The following MAGI2 variants were observed in gnomAD, a reference collection of about 807,000 sequenced individuals.
The protein encoded by MAGI2 is membrane associated guanylate kinase, WW and PDZ domain containing 2.
A neutral mutation model predicts 133.3 loss-of-function variants in MAGI2; 35 were observed. That is an observed-to-expected ratio of 0.26 (90% CI 0.20 to 0.35). The LOEUF is 0.35. Ranked by LOEUF, MAGI2 falls within the 10% of genes least tolerant of loss-of-function variation. The pLI is 1.00. For synonymous variants in MAGI2, 729 were observed against 710.6 expected (o/e 1.03, Z -0.41); for missense variants, 1,636 against 1,863.4 (o/e 0.88, Z 2.25).
chr7:78,560,453 G>C (rs1215925895), intron 3 of MAGI2, among the ~76,000 whole-genome samples: 8 of 152,108 alleles, frequency 5.3e-5, no homozygotes, highest in African/African-American at 1.7e-4. Context: ...AAAAATGTCA[G>C]ATCTGATGTG....
intron 6 of MAGI2, among the ~76,000 whole-genome samples, chr7:78,488,313 G>A (rs935782258): frequency 5.9e-5 from 9 of 152,006 alleles, no homozygotes; most frequent in Non-Finnish European, 5.9e-5. Context: ...TATGCAATAT[G>A]TTATGCTTGC....
chr7:78,373,340 C>A (rs372882917), intron 6 of MAGI2, among the ~76,000 whole-genome samples: 3 of 152,142 alleles, frequency 2.0e-5, no homozygotes, highest in African/African-American at 4.8e-5. Flanking sequence ...ATTAGTGGAG[C>A]AACTGGCAAA....
At chr7:78,699,115 CTGT>C (rs1298173227) in intron 2 of MAGI2, among the ~76,000 whole-genome samples, 1 of 152,150 alleles carries the variant, frequency 6.6e-6, no homozygotes, top group Non-Finnish European at 1.5e-5. Context: ...AACTTTGCTG[CTGT>C]TGTTGTTTTG....
chr7:78,889,264 G>T (rs1269580481), intron 2 of MAGI2, among the ~76,000 whole-genome samples: 2 of 152,226 alleles, frequency 1.3e-5, no homozygotes, highest in African/African-American at 4.8e-5. Flanking sequence ...TGGTGTACCT[G>T]AAAGTGACGA....
chr7:79,357,542 T>A (rs1842101229), intron 1 of MAGI2, among the ~76,000 whole-genome samples: 1 of 152,146 alleles, frequency 6.6e-6, no homozygotes, highest in Non-Finnish European at 1.5e-5. Context: ...ATACAAAAAA[T>A]AAAGTCAAGC....
At chr7:78,151,640 A>T (rs1823884921) in intron 16 of MAGI2, among the ~76,000 whole-genome samples, 1 of 152,118 alleles carries the variant, frequency 6.6e-6, no homozygotes, top group East Asian at 1.9e-4. Flanking sequence ...CTGCTGAATC[A>T]TTTACCCAGG....
At position 79,011,654 on chromosome 7, in the gene MAGI2, A is replaced by G. The variant is rs900829905; in HGVS notation, c.302-4448T>C. Among the ~76,000 whole-genome samples the G allele has an allele frequency of 2.6e-5, 4 of 152,252 alleles. No individual in the cohort carries two copies. In the East Asian group the frequency reaches 7.7e-4, roughly 29 times the overall value. On this transcript the variant is annotated intron_variant, in intron 1 of 21. Coordinates refer to ENST00000354212, the MANE Select transcript of MAGI2 (RefSeq NM_012301.4). ...AATAGAGAGGGGAAAGGTGGGGATGACCACCAGGGTTTGGCTCATTTTGAT... is the reference window on the plus strand; with the variant it reads ...AATAGAGAGGGGAAAGGTGGGGATGGCCACCAGGGTTTGGCTCATTTTGAT...
intron 3 of MAGI2, among the ~76,000 whole-genome samples, chr7:78,545,595 G>T (rs1401449875): frequency 6.6e-6 from 1 of 152,138 alleles, no homozygotes; most frequent in Non-Finnish European, 1.5e-5. Flanking sequence ...TGATGCCCTG[G>T]ATCATTAGCC....
intron 21 of MAGI2, among the ~76,000 whole-genome samples, chr7:78,047,316 G>C (rs1811535360): frequency 1.3e-5 from 2 of 152,194 alleles, no homozygotes; most frequent in Non-Finnish European, 2.9e-5. Flanking sequence ...GTCTGGCATG[G>C]AACTGCCTGG....
chr7:78,552,697 C>T (rs560540901), intron 3 of MAGI2, among the ~76,000 whole-genome samples: 4 of 152,204 alleles, frequency 2.6e-5, no homozygotes, highest in East Asian at 3.9e-4. Flanking sequence ...CTACAATGGA[C>T]GGACATAGAT....
intron 1 of MAGI2, among the ~76,000 whole-genome samples, chr7:79,421,086 T>C (rs1331314713): frequency 6.6e-6 from 1 of 151,928 alleles, no homozygotes; most frequent in Non-Finnish European, 1.5e-5. Flanking sequence ...ACAAAAATAT[T>C]CCTTTGGGTA....
At chr7:78,353,103 C>G (rs1791692598) in intron 7 of MAGI2, 1 of 152,186 alleles carries the variant, frequency 6.6e-6, no homozygotes. Context: ...AGGAGGAGAT[C>G]ATTGTTATCA....
At chr7:79,361,793 A>G (rs921796056) in intron 1 of MAGI2, among the ~76,000 whole-genome samples, 2 of 152,214 alleles carry the variant, frequency 1.3e-5, no homozygotes, top group Non-Finnish European at 2.9e-5. Context: ...AGAACAAAGG[A>G]AAATCTCTAA....
intron 9 of MAGI2, among the ~76,000 whole-genome samples, chr7:78,306,750 A>G (rs535121192): frequency 9.2e-5 from 14 of 152,298 alleles, no homozygotes; most frequent in South Asian, 4.1e-4. Flanking sequence ...CATGTTCTCA[A>G]TGGCCATTTC....
At chr7:79,124,579 A>C (rs59855885) in intron 1 of MAGI2, among the ~76,000 whole-genome samples, 11,893 of 152,254 alleles carry the variant, frequency 0.078, 1,038 homozygotes, top group African/African-American at 0.21. Flanking sequence ...GAGCAAAAGA[A>C]AGCAGAAACT....
chr7:78,760,164 C>T (rs987008028), intron 2 of MAGI2, among the ~76,000 whole-genome samples: 1 of 152,128 alleles, frequency 6.6e-6, no homozygotes, highest in Non-Finnish European at 1.5e-5. Flanking sequence ...AAGGAGATTG[C>T]TTTCAACAGT....
intron 9 of MAGI2, among the ~76,000 whole-genome samples, chr7:78,256,922 A>C (rs1232483062): frequency 6.6e-6 from 1 of 152,204 alleles, no homozygotes; most frequent in Non-Finnish European, 1.5e-5. Context: ...TTCCATCTTC[A>C]GTGTAATTCA....
At chr7:78,767,047 T>C (rs1027580901) in intron 2 of MAGI2, among the ~76,000 whole-genome samples, 2 of 151,826 alleles carry the variant, frequency 1.3e-5, no homozygotes, top group Non-Finnish European at 2.9e-5. Context: ...TGGAGTGCAA[T>C]GGCACGATCT....
At chr7:78,340,015 T>C (rs113297357) in intron 9 of MAGI2, among the ~76,000 whole-genome samples, 3 of 152,186 alleles carry the variant, frequency 2.0e-5, no homozygotes, top group African/African-American at 4.8e-5. Context: ...GATGAATACC[T>C]CAATTTTTTT....
Sources: allele counts gnomAD v4.1 joint callset (sites outside exome capture counted in the v4.1 genomes callset), GRCh38; gene constraint gnomAD v4.1.1; transcripts MANE v1.5; gene names NCBI Gene and HGNC (gene_info 2026-07-23, HGNC 2026-07-21).